FAM83F: variants seen among roughly 807,000 people sequenced by gnomAD.
The protein encoded by FAM83F is scaffolding CK1 anchoring protein F.
In FAM83F, 45 loss-of-function variants were observed where a neutral mutation model predicts 42.9. The observed-to-expected ratio is 1.05, with a 90% CI of 0.83 to 1.35. FAM83F has a LOEUF of 1.35. FAM83F is among the 40% of genes most tolerant of loss of function. The pLI, the probability that FAM83F is intolerant of heterozygous loss-of-function variation, is 0.00. For synonymous variants in FAM83F, 306 were observed against 298.3 expected (o/e 1.03, Z -0.27); for missense variants, 617 against 695.9 (o/e 0.89, Z 1.28).
At chr22:40,009,863 A>G (rs1472019130) in intron 1 of FAM83F, 2 of 152,202 alleles carry the variant, frequency 1.3e-5, no homozygotes, top group African/African-American at 4.8e-5. Flanking sequence ...CGGAGTCCAG[A>G]AAGAGAATTG....
chr22:40,013,599 T>G (rs927370778), intron 1 of FAM83F, among the ~76,000 whole-genome samples: 3 of 152,244 alleles, frequency 2.0e-5, no homozygotes, highest in Non-Finnish European at 4.4e-5. Flanking sequence ...CCTTTTAGTT[T>G]TTCTTTTTCA....
chr22:40,015,288 A>G (rs2067487391), intron 1 of FAM83F, among the ~76,000 whole-genome samples: 1 of 152,196 alleles, frequency 6.6e-6, no homozygotes, highest in Admixed American at 6.5e-5. Context: ...TCTTCTACTA[A>G]GGCCTTCAGT....
chr22:40,011,437 C>T (rs1569232218), intron 1 of FAM83F, among the ~76,000 whole-genome samples: 1 of 152,210 alleles, frequency 6.6e-6, no homozygotes, highest in Non-Finnish European at 1.5e-5. Context: ...CCCGCCTCGG[C>T]CTCCCAAAGG....
intron 1 of FAM83F, among the ~76,000 whole-genome samples, chr22:40,004,703 G>T (rs1601762980): frequency 6.6e-6 from 1 of 152,218 alleles, no homozygotes; most frequent in South Asian, 2.1e-4. Flanking sequence ...CTTCTAAAGT[G>T]CTGGGATTAC....
chr22:40,007,200 G>C (rs1370688297), intron 1 of FAM83F, among the ~76,000 whole-genome samples: 2 of 144,922 alleles, frequency 1.4e-5, no homozygotes, highest in Non-Finnish European at 3.0e-5. Context: ...AGCCCCTCCT[G>C]CGGGCAGCTG....
intron 4 of FAM83F, among the ~76,000 whole-genome samples, chr22:40,026,842 T>A (rs191851418): frequency 6.6e-6 from 1 of 152,312 alleles, no homozygotes; most frequent in African/African-American, 2.4e-5. Flanking sequence ...ATTGGGGGAC[T>A]TGTTCTCCTG....
rs2067536438 is a variant in FAM83F, at chr22:40,023,977, C to T, written c.1453+2014C>T. 6.6e-6 allele frequency among the ~76,000 whole-genome samples: 1 copy of T among 152,242 alleles called. No individual in the cohort carries two copies. The highest frequency in any genetic ancestry group is 1.5e-5 in the Non-Finnish European group (1 of 67,998). ...CGCACCTTTCCTCTCCCTCCCAAGG[C>T]CTGAGGGAGAAGCAGCAGCTCCTCT... On this transcript the variant is annotated intron_variant, in intron 4 of 4. Coordinates refer to ENST00000333407, the MANE Select transcript of FAM83F (RefSeq NM_138435.4). The surrounding 1 kb of genome is among the most constrained non-coding windows in gnomAD (Gnocchi z 4.1).
At position 40,019,182 on chromosome 22, in the gene FAM83F, C is replaced by G; in HGVS notation, c.504C>G (p.Val168=). The change falls in exon 2 of 5, where the codon GTC becomes GTG. Residue 168 remains valine, a synonymous_variant. Transcript: ENST00000333407. ...TCCCCACCCAGGTCATTGCTGTGGT[C>G]ATGGACCTCTTCACTGATGGTGATA... The part of the protein sequence containing the change: ...IQQAQKVIAV[V]MDLFTDGDIF... The G allele has an allele frequency of 6.2e-7, 1 of 1,614,082 alleles. No individual in the cohort carries two copies. Among genetic ancestry groups the G allele is most frequent in the African/African-American group, 1.3e-5 (1 of 75,034 alleles).
chr22:40,036,597 C>A lies in FAM83F; in HGVS notation c.*7032C>A, dbSNP rs1021004371. ...AACAGAGCATGTCCGGAGAAGTCTGCCAACCCTTCTCCAGGCCATGGGGCT... is the reference window on the plus strand; with the variant it reads ...AACAGAGCATGTCCGGAGAAGTCTGACAACCCTTCTCCAGGCCATGGGGCT... On this transcript the variant is annotated 3_prime_UTR_variant, in exon 5 of 5. Coordinates refer to ENST00000333407, the MANE Select transcript of FAM83F (RefSeq NM_138435.4). 1 of 152,248 alleles carries A rather than the reference C, an allele frequency of 6.6e-6. No homozygotes were observed. Among genetic ancestry groups the A allele is most frequent in the Admixed American group, 6.5e-5 (1 of 15,292 alleles). 9.4% of individuals were successfully genotyped at this position (152,248 alleles called of 1,614,324 possible). A position where few individuals can be genotyped will look rare whatever the true frequency, so the allele number is the denominator to read the frequency against.
chr22:40,015,918 G>A (rs2067490107), intron 1 of FAM83F, among the ~76,000 whole-genome samples: 1 of 152,314 alleles, frequency 6.6e-6, no homozygotes, highest in African/African-American at 2.4e-5. Context: ...CTCTCTGCCT[G>A]TGGGGCTCAG....
At position 40,023,241 on chromosome 22, in the gene FAM83F, T is replaced by TAAGGCCAGGATTC. The variant is rs1272531049; in HGVS notation, c.1453+1282_1453+1294dup. Among the ~76,000 whole-genome samples the TAAGGCCAGGATTC allele has an allele frequency of 1.3e-5, 2 of 152,130 alleles. No homozygotes were observed. The highest frequency in any genetic ancestry group is 4.8e-5 in the African/African-American group (2 of 41,438). On this transcript the variant is annotated intron_variant, in intron 4 of 4. Transcript: ENST00000333407. The surrounding 1 kb of genome is among the most constrained non-coding windows in gnomAD (Gnocchi z 4.1). The stretch of plus-strand genomic sequence containing the variant: ...GGTCCCAGGTCACAGGAAGTGGTAG[T>TAAGGCCAGGATTC]AAGGCCAGGATTCAAGACCAGGCAT...
intron 1 of FAM83F, among the ~76,000 whole-genome samples, chr22:40,001,612 A>C (rs1464011963): frequency 6.6e-6 from 1 of 152,044 alleles, no homozygotes; most frequent in Non-Finnish European, 1.5e-5. Context: ...TCGCCACTGC[A>C]CTCCAGCCTG....
Position 40,020,020 on chromosome 22 carries a change from C to G in FAM83F, c.779+12C>G, listed in dbSNP as rs754949771. The G allele has an allele frequency of 1.9e-6, 3 of 1,607,038 alleles. No individual in the cohort carries two copies. Among genetic ancestry groups the G allele is most frequent in the Non-Finnish European group, 2.5e-6 (3 of 1,177,150 alleles). ...ACTGGATCTTACAGGTGAGTTGGGC[C>G]GGATCAAAGAAGGGCCCAGGAGGCC... On this transcript the variant is annotated intron_variant, in intron 3 of 4. Coordinates refer to ENST00000333407, the MANE Select transcript of FAM83F (RefSeq NM_138435.4).
At chr22:40,014,404 T>C (rs1276992566) in intron 1 of FAM83F, among the ~76,000 whole-genome samples, 1 of 152,150 alleles carries the variant, frequency 6.6e-6, no homozygotes, top group East Asian at 1.9e-4. Context: ...AAGATAATTA[T>C]GATTTCTTCC....
chr22:40,005,928 G>A (rs746429373), intron 1 of FAM83F, among the ~76,000 whole-genome samples: 34 of 152,274 alleles, frequency 2.2e-4, no homozygotes, highest in African/African-American at 6.7e-4. Flanking sequence ...GGGCAGCCTC[G>A]CCTCCAAGTG....
Position 40,021,730 on chromosome 22 carries a change from T to C in FAM83F, c.1220T>C (p.Met407Thr), listed in dbSNP as rs554648866. 6.2e-7 allele frequency: 1 copy of C among 1,612,926 alleles called. No homozygotes were observed. The highest frequency in any genetic ancestry group is 8.5e-7 in the Non-Finnish European group (1 of 1,179,850). ...AAGGATGGCAGGATGGTCTCTCACA[T>C]GCACAGAGACCTGAAGCCCAAATCC... ...SQKDGRMVSH[M>T]HRDLKPKSRE... Residue 407 changes from methionine to threonine, a missense_variant, in exon 4 of 5, where the codon ATG becomes ACG. Physicochemically the swap from Met to Thr is moderately conservative, Grantham distance 81. Transcript: ENST00000333407. The surrounding 1 kb of genome is among the most constrained non-coding windows in gnomAD (Gnocchi z 8.7).
intron 1 of FAM83F, among the ~76,000 whole-genome samples, chr22:40,002,243 G>A (rs1175928775): frequency 6.6e-6 from 1 of 152,208 alleles, no homozygotes; most frequent in African/African-American, 2.4e-5. Flanking sequence ...CCCCAGGGCA[G>A]CCTGGAAAGA....
intron 1 of FAM83F, among the ~76,000 whole-genome samples, chr22:40,009,261 G>GC (rs1010038509): frequency 4.4e-4 from 67 of 151,380 alleles, no homozygotes; most frequent in Admixed American, 1.8e-3. Context: ...TCACCAAAAG[G>GC]CCCCCCCGAG....
rs929726175 is a variant in FAM83F, at chr22:39,995,171, G to A, written c.129G>A (p.Glu43=). The part of the protein sequence containing the change: ...AALEALLGGG[E]QAYRERLKEE... ...TGGAGGCGCTGCTGGGCGGCGGCGA[G>A]CAGGCCTACCGCGAGCGGCTCAAGG... is the stretch of plus-strand genomic sequence containing the variant. Residue 43 remains glutamate, a synonymous_variant, in exon 1 of 5, where the codon GAG becomes GAA. Coordinates refer to ENST00000333407, the MANE Select transcript of FAM83F (RefSeq NM_138435.4). This position sits in a 1 kb window ranked among gnomAD's most constrained non-coding sequence, Gnocchi z 4.6. 8 of 1,419,394 alleles carry A rather than the reference G, an allele frequency of 5.6e-6. No individual in the cohort carries two copies. Among genetic ancestry groups the A allele is most frequent in the Non-Finnish European group, 7.3e-6 (8 of 1,095,942 alleles). 87.9% of individuals were successfully genotyped at this position (1,419,394 alleles called of 1,614,324 possible). A position where few individuals can be genotyped will look rare whatever the true frequency, so the allele number is the denominator to read the frequency against.
Sources: allele counts gnomAD v4.1 joint callset (sites outside exome capture counted in the v4.1 genomes callset), GRCh38; gene constraint gnomAD v4.1.1; non-coding constraint Gnocchi (gnomAD v3.1); transcripts MANE v1.5; gene names NCBI Gene and HGNC (gene_info 2026-07-23, HGNC 2026-07-21).